Variants in SERPINE2 observed in about 807,000 individuals in gnomAD.
SERPINE2 encodes glia-derived nexin.
SERPINE2 carries 14 observed loss-of-function variants against 36.3 expected under a neutral mutation model. The ratio of observed to expected loss-of-function variants is 0.39; its 90% CI spans 0.25 to 0.60. The LOEUF is 0.60. SERPINE2 is among the 20% of genes least tolerant of loss of function. The pLI, the probability that SERPINE2 is intolerant of heterozygous loss-of-function variation, is 0.57. For synonymous variants in SERPINE2, 192 were observed against 191.8 expected (o/e 1.00, Z -0.01); for missense variants, 418 against 499.6 (o/e 0.84, Z 1.56).
intron 7 of SERPINE2, chr2:223,977,837 A>G (rs1690070021): frequency 1.9e-6 from 1 of 514,370 alleles, no homozygotes; most frequent in East Asian, 3.4e-5. Context: ...TTACTCTCTC[A>G]TGTCTTCTAC....
chr2:224,030,849 T>G, intron 1 of SERPINE2: 1 of 492,862 alleles, frequency 2.0e-6, no homozygotes, highest in Non-Finnish European at 2.6e-6. Flanking sequence ...CTTGGACTCT[T>G]GTGTAAATCT....
chr2:223,982,656 C>G (rs1041463812), intron 6 of SERPINE2, 25 bp downstream of exon 6: 6 of 1,382,724 alleles, frequency 4.3e-6, no homozygotes, highest in Non-Finnish European at 6.2e-6. Flanking sequence ...TTCAAGTATA[C>G]AAATACATTT....
rs1354914136 is a variant in SERPINE2 at position 224,019,749 on chromosome 2, T to C, written c.-22-17827A>G. On this transcript the variant is annotated intron_variant, in intron 1 of 8. Transcript: ENST00000409304. ...GTATGGTCTAAAGCATTTGAGGAAG[T>C]CTTTTTTTTTTTTTTTAAAAAAAAA... is the stretch of plus-strand genomic sequence containing the variant. Among the ~76,000 whole-genome samples, 6 of 43,398 alleles carry C rather than the reference T, an allele frequency of 1.4e-4. No individual in the cohort carries two copies. The South Asian group carries it at 7.0e-3, about 50-fold the overall frequency. 28.5% of individuals were successfully genotyped at this position (43,398 alleles called of 152,430 possible).
intron 1 of SERPINE2, among the ~76,000 whole-genome samples, chr2:224,003,888 A>G (rs1163768247): frequency 6.6e-6 from 1 of 152,056 alleles, no homozygotes. Flanking sequence ...GCCTTTTAAG[A>G]GACAGGTGAC....
At chr2:223,990,564 AC>A (rs905836108) in intron 4 of SERPINE2, among the ~76,000 whole-genome samples, 48 of 152,236 alleles carry the variant, frequency 3.2e-4, no homozygotes, top group African/African-American at 1.1e-3. Context: ...GGGCCCCCTC[AC>A]TTTTTATTTT....
At chr2:223,976,956 C>A (rs1247730827) in intron 8 of SERPINE2, among the ~76,000 whole-genome samples, 1 of 152,198 alleles carries the variant, frequency 6.6e-6, no homozygotes, top group Non-Finnish European at 1.5e-5. Flanking sequence ...CCATACTGTT[C>A]TTGTGATAGT....
At chr2:224,031,170 G>A in intron 1 of SERPINE2, 1 of 985,390 alleles carries the variant, frequency 1.0e-6, no homozygotes, top group Non-Finnish European at 1.2e-6. Context: ...CACATCTACA[G>A]ACCCGGGTCC....
At chr2:224,012,511 G>A (rs569707730) in intron 1 of SERPINE2, among the ~76,000 whole-genome samples, 1 of 151,738 alleles carries the variant, frequency 6.6e-6, no homozygotes, top group Non-Finnish European at 1.5e-5. Flanking sequence ...GCTGAGGCAG[G>A]AGAATGGCGT....
chr2:223,986,852 C>A (rs1690450878), intron 4 of SERPINE2, among the ~76,000 whole-genome samples: 1 of 152,052 alleles, frequency 6.6e-6, no homozygotes, highest in Non-Finnish European at 1.5e-5. Context: ...GACTGATTTC[C>A]CCCCACTCCT....
In SERPINE2 at chr2:223,992,051, C is replaced by T. The variant is rs373722441; in HGVS notation, c.488-51G>A. 1.4e-5 allele frequency: 21 copies of T among 1,523,576 alleles called. No homozygotes were observed. In the East Asian group the frequency reaches 1.6e-4, roughly 12 times the overall value. 94.4% of individuals were successfully genotyped at this position (1,523,576 alleles called of 1,614,324 possible). ...GAAAAATAACCTCAGGACTGGTGGC[C>T]GGCTTGAGGGCAAATGGCAGCTGTC... On this transcript the variant is annotated intron_variant, in intron 3 of 8. Coordinates refer to ENST00000409304, the MANE Select transcript of SERPINE2 (RefSeq NM_001136528.2).
chr2:223,977,787 T>A, intron 7 of SERPINE2, 160 bp from the exon 8 acceptor site: 3 of 593,986 alleles, frequency 5.1e-6, no homozygotes, highest in Non-Finnish European at 9.2e-6. Context: ...GGCTCAATGG[T>A]CACCATTTAC....
intron 2 of SERPINE2, 142 bp downstream of exon 2, chr2:224,001,500 A>AC (rs3839039): frequency 0.2 from 173,123 of 848,330 alleles, 20,807 homozygotes; most frequent in African/African-American, 0.45. Flanking sequence ...GAAGAGACTG[A>AC]CCCCAAGCCC....
chr2:224,024,166 C>G (rs1287188056), intron 1 of SERPINE2, among the ~76,000 whole-genome samples: 2 of 152,176 alleles, frequency 1.3e-5, no homozygotes, highest in Non-Finnish European at 2.9e-5. Context: ...TATGAGAAGA[C>G]AACTTCCACT....
intron 3 of SERPINE2, among the ~76,000 whole-genome samples, chr2:223,994,804 A>G (rs1348102151): frequency 1.3e-5 from 2 of 152,170 alleles, no homozygotes; most frequent in Non-Finnish European, 2.9e-5. Flanking sequence ...AATGCTTTCT[A>G]TGTATTATTC....
In SERPINE2 at chr2:223,984,910, A is replaced by G. The variant is rs775677850; in HGVS notation, c.726T>C (p.Ile242=). ...SAPNDLWYNF[I]ELPYHGESIS... is the part of the protein sequence containing the mutation. ...TGCTTTCCCCGTGGTAGGGCAGTTC[A>G]ATGAAGTTGTACCATAAATCATTGG... The change falls in exon 5 of 9, where the codon ATT becomes ATC. Residue 242 remains isoleucine (I), a synonymous_variant. Coordinates refer to ENST00000409304, the MANE Select transcript of SERPINE2 (RefSeq NM_001136528.2). 1.2e-6 allele frequency: 2 copies of G among 1,614,176 alleles called. No homozygotes were observed. Among genetic ancestry groups the G allele is most frequent in the South Asian group, 2.2e-5 (2 of 91,078 alleles).
In SERPINE2 at chr2:223,982,739, T is replaced by C. The variant is rs1690265526; in HGVS notation, c.927A>G (p.Lys309=). The C allele has an allele frequency of 6.2e-7, 1 of 1,613,934 alleles. No individual in the cohort carries two copies. Among genetic ancestry groups the C allele is most frequent in the Admixed American group, 1.7e-5 (1 of 59,978 alleles). The change falls in exon 6 of 9, where the codon AAA becomes AAG. Residue 309 remains lysine (K), a synonymous_variant. Transcript: ENST00000409304. ...VAQTDLKEPL[K]VLGITDMFDS... is the part of the protein sequence containing the mutation. ...CAAACATGTCAGTAATGCCAAGAACTTTCAGCGGCTCCTTCAAATCTGTTT... is the reference window on the plus strand; with the variant it reads ...CAAACATGTCAGTAATGCCAAGAACCTTCAGCGGCTCCTTCAAATCTGTTT...
intron 3 of SERPINE2, among the ~76,000 whole-genome samples, chr2:223,997,163 G>A (rs116480580): frequency 0.016 from 2,425 of 152,190 alleles, 61 homozygotes; most frequent in African/African-American, 0.049. Context: ...AGCTCCTCCT[G>A]CATGTTTCCA....
chr2:224,011,181 C>T (rs115290638), intron 1 of SERPINE2, among the ~76,000 whole-genome samples: 1,932 of 152,244 alleles, frequency 0.013, 46 homozygotes, highest in African/African-American at 0.042. Flanking sequence ...GTCTTTAAGA[C>T]GTAATGGTCC....
intron 1 of SERPINE2, among the ~76,000 whole-genome samples, chr2:224,033,850 G>A (rs1046530368): frequency 6.6e-6 from 1 of 152,150 alleles, no homozygotes; most frequent in Non-Finnish European, 1.5e-5. Context: ...GTGAACACAG[G>A]CACACAAGTG....
Sources: gnomAD v4.1 joint callset for allele counts (sites outside exome capture counted in the v4.1 genomes callset) on GRCh38, gnomAD v4.1.1 for gene constraint, MANE v1.5 for transcripts, NCBI Gene and HGNC (gene_info 2026-07-23, HGNC 2026-07-21) for gene names.